CHN2: variants seen among roughly 807,000 people sequenced by gnomAD.
CHN2 encodes chimerin 2, also known as beta-chimaerin.
A neutral mutation model predicts 56.3 loss-of-function variants in CHN2; 35 were observed. That is an observed-to-expected ratio of 0.62 (90% CI 0.47 to 0.82). CHN2 has a LOEUF of 0.82. Ranked by LOEUF, CHN2 falls within the 40% of genes least tolerant of loss-of-function variation. CHN2 has a pLI of 0.00. For synonymous variants in CHN2, 210 were observed against 212.8 expected (o/e 0.99, Z 0.12); for missense variants, 491 against 580.5 (o/e 0.85, Z 1.58).
At chr7:29,237,448 C>T (rs1185946905) in intron 1 of CHN2, among the ~76,000 whole-genome samples, 3 of 151,942 alleles carry the variant, frequency 2.0e-5, no homozygotes, top group Admixed American at 2.0e-4. Context: ...TTGTCTAAAG[C>T]TATTCTGAAG....
chr7:29,437,481 C>T (rs1411988505), intron 6 of CHN2, among the ~76,000 whole-genome samples: 1 of 130,962 alleles, frequency 7.6e-6, no homozygotes, highest in African/African-American at 3.3e-5. Flanking sequence ...GCCTGTAGTC[C>T]CAGCTACTCG....
intron 9 of CHN2, among the ~76,000 whole-genome samples, chr7:29,501,423 A>G (rs1034252871): frequency 6.6e-6 from 1 of 152,126 alleles, no homozygotes; most frequent in Non-Finnish European, 1.5e-5. Context: ...TGGGCCCTGC[A>G]GTTTGGGGTC....
intron 1 of CHN2, among the ~76,000 whole-genome samples, chr7:29,320,388 C>T (rs556130173): frequency 2.6e-5 from 4 of 152,232 alleles, no homozygotes; most frequent in Non-Finnish European, 4.4e-5. Context: ...TTGACAGAGC[C>T]CTGCAGGTCT....
At chr7:29,351,418 T>C (rs1797878901) in intron 1 of CHN2, among the ~76,000 whole-genome samples, 1 of 152,204 alleles carries the variant, frequency 6.6e-6, no homozygotes, top group South Asian at 2.1e-4. Flanking sequence ...TTATGGAGTT[T>C]GGCTAATAGA....
chr7:29,500,245 C>T (rs931008423), intron 9 of CHN2, among the ~76,000 whole-genome samples: 3 of 152,082 alleles, frequency 2.0e-5, no homozygotes, highest in African/African-American at 7.2e-5. Context: ...ATAAACCATG[C>T]ATATATGCAT....
At chr7:29,423,008 C>G (rs1027124844) in intron 6 of CHN2, among the ~76,000 whole-genome samples, 2 of 152,218 alleles carry the variant, frequency 1.3e-5, no homozygotes, top group Admixed American at 6.5e-5. Context: ...ATTCTACTTC[C>G]TTCTTCAGGC....
chr7:29,472,279 A>ACACACACACACACACACACACACACG (rs1786134035), intron 6 of CHN2, among the ~76,000 whole-genome samples: 1 of 138,588 alleles, frequency 7.2e-6, no homozygotes, highest in African/African-American at 3.3e-5. Flanking sequence ...AAATACACAC[A>ACACACACACACACACACACACACACG]CACACACACA....
At chr7:29,228,204 G>GGA (rs61159288) in intron 1 of CHN2, among the ~76,000 whole-genome samples, 2,798 of 150,206 alleles carry the variant, frequency 0.019, 88 homozygotes, top group African/African-American at 0.065. Context: ...GTGTGTTTGT[G>GGA]GAGAGAGAGA....
intron 1 of CHN2, among the ~76,000 whole-genome samples, chr7:29,225,871 A>G (rs1236438787): frequency 1.3e-5 from 2 of 152,196 alleles, no homozygotes; most frequent in African/African-American, 2.4e-5. Context: ...ATTCTGAGAC[A>G]TGTCCTACAA....
chr7:29,403,545 G>T (rs1342756332), intron 6 of CHN2, among the ~76,000 whole-genome samples: 1 of 152,004 alleles, frequency 6.6e-6, no homozygotes, highest in Non-Finnish European at 1.5e-5. Context: ...AGTAATAATT[G>T]GCAAAAAGAG....
chr7:29,146,845 C>T, intron 1 of CHN2: 1 of 1,551,044 alleles, frequency 6.4e-7, no homozygotes. Flanking sequence ...TTTCTGCACT[C>T]TAGGACTTAC....
At position 29,349,317 on chromosome 7, in the gene CHN2, C is replaced by A. The variant is rs530021687; in HGVS notation, c.50-5308C>A. Among the ~76,000 whole-genome samples the A allele has an allele frequency of 1.1e-4, 16 of 152,244 alleles. No homozygotes were observed. In the South Asian group the frequency reaches 3.3e-3, roughly 32 times the overall value. ...ACAGATTAAGCATTATAAATATTAA[C>A]CCATCCAGTGCTCATGACAATGCTG... On this transcript the variant is annotated intron_variant, in intron 1 of 12. Coordinates refer to ENST00000222792, the MANE Select transcript of CHN2 (RefSeq NM_004067.4).
At chr7:29,382,137 T>TAC (rs1433833169) in intron 3 of CHN2, among the ~76,000 whole-genome samples, 10 of 152,244 alleles carry the variant, frequency 6.6e-5, no homozygotes, top group Non-Finnish European at 1.5e-5. Flanking sequence ...CAATGCCTGG[T>TAC]ACATAAGTTC....
At chr7:29,149,189 C>CTTTTTTT (rs60520174) in intron 2 of CHN2, among the ~76,000 whole-genome samples, 2 of 100,338 alleles carry the variant, frequency 2.0e-5, no homozygotes, top group Non-Finnish European at 3.7e-5. Context: ...GTCTGTTTCC[C>CTTTTTTT]TTTTTTTTTT....
intron 1 of CHN2, among the ~76,000 whole-genome samples, chr7:29,284,123 A>T (rs1791956225): frequency 6.6e-6 from 1 of 151,060 alleles, no homozygotes; most frequent in Admixed American, 6.6e-5. Context: ...TTTGAGACGG[A>T]GTCTGGCTCT....
intron 6 of CHN2, among the ~76,000 whole-genome samples, chr7:29,459,400 A>G (rs1221666314): frequency 1.3e-5 from 2 of 152,164 alleles, no homozygotes; most frequent in African/African-American, 2.4e-5. Context: ...AGGTGGATGC[A>G]GCCCTGGAGG....
intron 7 of CHN2, among the ~76,000 whole-genome samples, chr7:29,492,855 T>A (rs973720945): frequency 6.6e-6 from 1 of 152,248 alleles, no homozygotes; most frequent in African/African-American, 2.4e-5. Context: ...GAACCTCTTA[T>A]CAGCATTCAA....
chr7:29,483,755 C>T (rs888147034), intron 7 of CHN2: 1 of 1,053,828 alleles, frequency 9.5e-7, no homozygotes, highest in Non-Finnish European at 1.2e-6. Context: ...TGAAAATCTT[C>T]AGGCCAGCCA....
chr7:29,273,793 T>C (rs1424358534), intron 1 of CHN2, among the ~76,000 whole-genome samples: 5 of 152,226 alleles, frequency 3.3e-5, no homozygotes, highest in Non-Finnish European at 7.3e-5. Context: ...TGGGAGGTGG[T>C]TGGATTTCAT....
Sources: gnomAD v4.1 joint callset for allele counts (sites outside exome capture counted in the v4.1 genomes callset) on GRCh38, gnomAD v4.1.1 for gene constraint, MANE v1.5 for transcripts, NCBI Gene and HGNC (gene_info 2026-07-23, HGNC 2026-07-21) for gene names.